Variants in RAD51B observed in about 807,000 individuals in gnomAD.
The protein encoded by RAD51B is RAD51 paralog B.
In RAD51B, 38 loss-of-function variants were observed where a neutral mutation model predicts 42.2. That is an observed-to-expected ratio of 0.90 (90% CI 0.70 to 1.18). The LOEUF is 1.18. Ranked by LOEUF, RAD51B falls within the 50% of genes most tolerant of loss-of-function variation. The pLI, the probability that RAD51B is intolerant of heterozygous loss-of-function variation, is 0.00. For missense variants in RAD51B, 373 were observed against 400.7 expected (o/e 0.93, Z 0.59); for synonymous variants, 154 against 145.2 (o/e 1.06, Z -0.43).
chr14:68,394,070 G>A (rs2083840749), intron 8 of RAD51B, among the ~76,000 whole-genome samples: 1 of 152,188 alleles, frequency 6.6e-6, no homozygotes, highest in Admixed American at 6.5e-5. Context: ...GGCAGGAGCA[G>A]GGCTGAATTT....
intron 7 of RAD51B, among the ~76,000 whole-genome samples, chr14:68,243,351 T>C (rs17105243): frequency 0.029 from 4,492 of 152,328 alleles, 223 homozygotes; most frequent in African/African-American, 0.1. Context: ...TTATGCACAC[T>C]TTTAGGCAGA....
intron 8 of RAD51B, among the ~76,000 whole-genome samples, chr14:68,345,043 C>G (rs2082651620): frequency 6.6e-6 from 1 of 151,876 alleles, no homozygotes; most frequent in South Asian, 2.1e-4. Context: ...CCAGTTTTTC[C>G]CTTTGGAATG....
chr14:68,193,769 G>A (rs2079312129), intron 7 of RAD51B, among the ~76,000 whole-genome samples: 1 of 152,130 alleles, frequency 6.6e-6, no homozygotes, highest in Admixed American at 6.5e-5. Context: ...AGAATGCTGG[G>A]AACAAGCTTT....
chr14:68,276,256 T>A (rs1455489490), intron 7 of RAD51B, among the ~76,000 whole-genome samples: 1 of 152,126 alleles, frequency 6.6e-6, no homozygotes, highest in Non-Finnish European at 1.5e-5. Flanking sequence ...ACTCTCAATG[T>A]CCAAATTGGG....
intron 7 of RAD51B, among the ~76,000 whole-genome samples, chr14:68,070,372 G>A (rs1296719644): frequency 6.6e-6 from 1 of 152,016 alleles, no homozygotes; most frequent in Admixed American, 6.6e-5. Context: ...ATCCAGAATG[G>A]TATTTCCTAG....
chr14:68,334,883 T>C (rs1018005980), intron 8 of RAD51B, among the ~76,000 whole-genome samples: 2 of 127,092 alleles, frequency 1.6e-5, no homozygotes, highest in Non-Finnish European at 3.4e-5. Flanking sequence ...AGGATAGATA[T>C]ATATTTTATG....
intron 7 of RAD51B, chr14:67,908,927 A>G (rs1248270522): frequency 6.6e-6 from 1 of 152,194 alleles, no homozygotes; most frequent in African/African-American, 2.4e-5. Context: ...TAATATTAAT[A>G]ATTCTAAGAA....
At chr14:68,092,719 A>G (rs913595346) in intron 7 of RAD51B, among the ~76,000 whole-genome samples, 1 of 152,116 alleles carries the variant, frequency 6.6e-6, no homozygotes, top group African/African-American at 2.4e-5. Flanking sequence ...TGCCCTGACC[A>G]GAACTTCCAA....
intron 4 of RAD51B, among the ~76,000 whole-genome samples, chr14:67,851,097 C>T (rs888923544): frequency 6.6e-6 from 1 of 152,088 alleles, no homozygotes; most frequent in African/African-American, 2.4e-5. Context: ...CTTTGGGCCT[C>T]TGCAGGGGTG....
At chr14:68,280,396 A>G (rs146922366) in intron 7 of RAD51B, among the ~76,000 whole-genome samples, 3,780 of 152,328 alleles carry the variant, frequency 0.025, 57 homozygotes, top group Non-Finnish European at 0.039. Context: ...TTTATGTGAT[A>G]GACTAGAGAG....
chr14:68,158,312 AC>A (rs1482104151), intron 7 of RAD51B, among the ~76,000 whole-genome samples: 1 of 152,224 alleles, frequency 6.6e-6, no homozygotes, highest in Admixed American at 6.5e-5. Context: ...TATGGACTGG[AC>A]CCAAATGGTA....
At chr14:67,894,417 A>G (rs754346499) in intron 7 of RAD51B, among the ~76,000 whole-genome samples, 8 of 151,636 alleles carry the variant, frequency 5.3e-5, no homozygotes, top group Non-Finnish European at 1.0e-4. Flanking sequence ...TGGATCTCAG[A>G]CTCTTTTTGT....
At chr14:68,173,088 G>T (rs990464454) in intron 7 of RAD51B, among the ~76,000 whole-genome samples, 1 of 152,178 alleles carries the variant, frequency 6.6e-6, no homozygotes, top group African/African-American at 2.4e-5. Flanking sequence ...AATTTTACAG[G>T]TGAAGAAGTA....
chr14:68,386,177 T>C (rs2083590181), intron 8 of RAD51B, among the ~76,000 whole-genome samples: 1 of 152,202 alleles, frequency 6.6e-6, no homozygotes, highest in Non-Finnish European at 1.5e-5. Context: ...GCAGGCCACA[T>C]ACAAGCTATT....
intron 7 of RAD51B, among the ~76,000 whole-genome samples, chr14:68,265,280 A>G (rs2080968019): frequency 6.6e-6 from 1 of 152,184 alleles, no homozygotes; most frequent in Admixed American, 6.5e-5. Flanking sequence ...GTCTCTTAAG[A>G]TTTATTACTC....
chr14:68,495,176 C>T (rs1884409379), intron 10 of RAD51B, among the ~76,000 whole-genome samples: 2 of 152,172 alleles, frequency 1.3e-5, no homozygotes, highest in Admixed American at 6.5e-5. Flanking sequence ...TCATGCCCTG[C>T]CTTGCTTCTC....
At chr14:68,595,544 A>G (rs1051417953) in exon 11 of RAD51B, 2 of 1,066,594 alleles carry the variant, frequency 1.9e-6, no homozygotes, top group Non-Finnish European at 2.3e-6. Context: ...GGCCCATCAA[A>G]TGACCAATGG....
At chr14:68,185,548 T>A (rs1380335339) in intron 7 of RAD51B, among the ~76,000 whole-genome samples, 1 of 152,142 alleles carries the variant, frequency 6.6e-6, no homozygotes, top group Non-Finnish European at 1.5e-5. Flanking sequence ...AGGAATTATA[T>A]CATGTTCTTG....
intron 7 of RAD51B, among the ~76,000 whole-genome samples, chr14:68,264,601 G>A (rs7147214): frequency 0.01 from 1,532 of 152,330 alleles, 16 homozygotes; most frequent in African/African-American, 0.034. Flanking sequence ...GCTAGGAAAG[G>A]TAGTAAAGGT....
Sources: gnomAD v4.1 joint callset for allele counts (sites outside exome capture counted in the v4.1 genomes callset) on GRCh38, gnomAD v4.1.1 for gene constraint, MANE v1.5 for transcripts, NCBI Gene and HGNC (gene_info 2026-07-23, HGNC 2026-07-21) for gene names.